The following COG7 variants were observed in gnomAD, a reference collection of about 807,000 sequenced individuals.
COG7 encodes conserved oligomeric Golgi complex subunit 7.
COG7 carries 49 observed loss-of-function variants against 91.5 expected under a neutral mutation model. That is an observed-to-expected ratio of 0.54 (90% CI 0.43 to 0.68). COG7 has a LOEUF of 0.68. COG7 is among the 30% of genes least tolerant of loss of function. The pLI is 0.00. For missense variants in COG7, 895 were observed against 961.3 expected, an observed-to-expected ratio of 0.93 and a Z score of 0.91; for synonymous variants, 365 against 388.7, an observed-to-expected ratio of 0.94 and a Z score of 0.72.
At chr16:23,392,804 G>A (rs559005848) in intron 15 of COG7, among the ~76,000 whole-genome samples, 14 of 152,188 alleles carry the variant, frequency 9.2e-5, no homozygotes, top group African/African-American at 2.9e-4. Flanking sequence ...GGTGGTGCGC[G>A]CCTGTAGTCC....
At chr16:23,428,913 G>A (rs1283756485) in intron 6 of COG7, among the ~76,000 whole-genome samples, 1 of 151,850 alleles carries the variant, frequency 6.6e-6, no homozygotes, top group African/African-American at 2.4e-5. Flanking sequence ...GGCTGCTCTC[G>A]AACTCCTGAC....
chr16:23,446,905 C>A (rs1484782416), intron 1 of COG7: 2 of 150,954 alleles, frequency 1.3e-5, no homozygotes, highest in Non-Finnish European at 2.9e-5. Context: ...GCACACACCA[C>A]CAGGACTGAA....
chr16:23,449,657 C>G (rs1028131237), intron 1 of COG7, among the ~76,000 whole-genome samples: 5 of 149,962 alleles, frequency 3.3e-5, no homozygotes, highest in African/African-American at 1.2e-4. Context: ...AGGAGAATTG[C>G]TTGAACCCGA....
chr16:23,426,092 T>C (rs1427272884), intron 6 of COG7, among the ~76,000 whole-genome samples: 1 of 152,190 alleles, frequency 6.6e-6, no homozygotes, highest in Non-Finnish European at 1.5e-5. Context: ...GGTGCACGAC[T>C]GTAATCCCAG....
chr16:23,414,818 G>A (rs1368164061), intron 9 of COG7: 1 of 152,084 alleles, frequency 6.6e-6, no homozygotes, highest in Non-Finnish European at 1.5e-5. Flanking sequence ...CTAGCACAGA[G>A]CTGGACATAA....
Position 23,398,108 on chromosome 16 carries a change from C to A in COG7, c.1825G>T (p.Gly609Ter). The A allele has an allele frequency of 6.2e-7, 1 of 1,614,088 alleles. No individual in the cohort carries two copies. Among genetic ancestry groups the A allele is most frequent in the Non-Finnish European group, 8.5e-7 (1 of 1,179,996 alleles). Residue 609 changes from glycine (G) to a stop codon, truncating the protein, a stop_gained, in exon 14 of 17, where the codon GGA becomes TGA. Coordinates refer to ENST00000307149, the MANE Select transcript of COG7 (RefSeq NM_153603.4). LOFTEE classifies it high-confidence loss of function. ...KMDSWNTAGI[G>*]ETLTDELPAF... The stretch of plus-strand genomic sequence containing the variant: ...GGCAGTTCATCTGTGAGGGTTTCTC[C>A]GATGCCAGCCGTATTCCAGCTCTAA...
chr16:23,434,498 C>T (rs145949515), intron 5 of COG7, 138 bp downstream of exon 5: 5 of 720,152 alleles, frequency 6.9e-6, no homozygotes, highest in African/African-American at 3.5e-5. Context: ...GCACCCCCTA[C>T]TGGCTAACTA....
At chr16:23,436,438 A>C (rs1428768499) in intron 4 of COG7, among the ~76,000 whole-genome samples, 1 of 152,150 alleles carries the variant, frequency 6.6e-6, no homozygotes, top group Non-Finnish European at 1.5e-5. Flanking sequence ...ATTCCCTTTA[A>C]AAACTGTTAG....
chr16:23,451,907 CT>C (rs532224753), intron 1 of COG7, among the ~76,000 whole-genome samples: 21 of 151,428 alleles, frequency 1.4e-4, no homozygotes, highest in African/African-American at 4.6e-4. Flanking sequence ...TCAAAATTCA[CT>C]TTTTTTTTCT....
intron 4 of COG7, 37 bp downstream of exon 4, chr16:23,442,440 G>C (rs1385222098): frequency 1.3e-6 from 2 of 1,595,838 alleles, no homozygotes; most frequent in African/African-American, 2.7e-5. Flanking sequence ...TCTTTATAGA[G>C]AGATATACAC....
At chr16:23,412,021 C>T (rs1261804584) in intron 10 of COG7, among the ~76,000 whole-genome samples, 4 of 152,042 alleles carry the variant, frequency 2.6e-5, no homozygotes, top group Admixed American at 6.6e-5. Context: ...GCTGGGATTA[C>T]AGGCACGTGC....
At chr16:23,442,849 A>G (rs1252136074) in intron 3 of COG7, among the ~76,000 whole-genome samples, 2 of 151,968 alleles carry the variant, frequency 1.3e-5, no homozygotes, top group Non-Finnish European at 2.9e-5. Context: ...CAGCCTGGTT[A>G]ACATGGCAAG....
In COG7 at chr16:23,442,569, G is replaced by A; in HGVS notation, c.512C>T (p.Ser171Leu). The A allele has an allele frequency of 6.2e-7, 1 of 1,614,106 alleles. No individual in the cohort carries two copies. Among genetic ancestry groups the A allele is most frequent in the Non-Finnish European group, 8.5e-7 (1 of 1,179,954 alleles). ...LMMLVDTPDY[S>L]EKCVHLEALK... The stretch of plus-strand genomic sequence containing the variant: ...TGCCTCCAAGTGCACACACTTTTCT[G>A]AGTAGTCTGGTGTATCAACAAGCAT... Residue 171 changes from serine to leucine, a missense_variant, in exon 4 of 17, where the codon TCA becomes TTA. Ser to Leu is a moderately radical substitution (Grantham distance 145). Coordinates refer to ENST00000307149, the MANE Select transcript of COG7 (RefSeq NM_153603.4).
intron 10 of COG7, chr16:23,413,086 G>C (rs113200936): frequency 1.6e-4 from 44 of 276,070 alleles, no homozygotes; most frequent in Middle Eastern, 1.3e-3. Flanking sequence ...AACAGGATCC[G>C]ATCACCTATG....
intron 6 of COG7, among the ~76,000 whole-genome samples, chr16:23,425,474 G>T (rs1179952292): frequency 6.6e-6 from 1 of 152,020 alleles, no homozygotes; most frequent in Non-Finnish European, 1.5e-5. Context: ...TGATACTACA[G>T]GAACACTACC....
chr16:23,416,190 T>A (rs1397497913), intron 9 of COG7: 1 of 152,144 alleles, frequency 6.6e-6, no homozygotes, highest in Admixed American at 6.6e-5. Flanking sequence ...CCATCATGCC[T>A]ACCTGATTTT....
chr16:23,409,075 GTGTGTGTGTGTGTGCGTGCA>G (rs916962207), intron 11 of COG7, among the ~76,000 whole-genome samples: 7 of 132,108 alleles, frequency 5.3e-5, no homozygotes, highest in Non-Finnish European at 9.5e-5. Flanking sequence ...GTGTGTGTGT[GTGTGTGTGTGTGTGCGTGCA>G]TGTGTGTGTG....
rs375358771 is a variant in COG7 at position 23,423,332 on chromosome 16, AC to A, written c.1009+1416del. ...CAGTGAGCCAAGATCACACCGCTGC[AC>A]TCCAGCCTGGGCGAGAGTGAGACTC... On this transcript the variant is annotated intron_variant, in intron 7 of 16. Coordinates refer to ENST00000307149, the MANE Select transcript of COG7 (RefSeq NM_153603.4). Among the ~76,000 whole-genome samples the A allele has an allele frequency of 4.9e-3, 744 of 152,304 alleles. 4 individuals carry two copies. Among genetic ancestry groups the A allele is most frequent in the Non-Finnish European group, 8.0e-3 (544 of 68,024 alleles).
Position 23,388,693 on chromosome 16 carries a change from G to A in COG7, c.*227C>T, listed in dbSNP as rs571087241. The A allele has an allele frequency of 2.8e-5, 14 of 495,064 alleles. No individual in the cohort carries two copies. In the East Asian group the frequency reaches 5.9e-4, roughly 21 times the overall value. The allele number at this position is 495,064 out of a possible 1,614,324, so 30.7% of individuals were successfully genotyped here. Reference sequence around the variant, plus strand: ...ATTTTTGTATTTTTAGTAGAGATGGGGTTTCACCATGTTGGTCAGGCTGGT... The same window carrying A: ...ATTTTTGTATTTTTAGTAGAGATGGAGTTTCACCATGTTGGTCAGGCTGGT... On this transcript the variant is annotated 3_prime_UTR_variant, in exon 17 of 17. Transcript: ENST00000307149.
Sources: gnomAD v4.1 joint callset for allele counts (sites outside exome capture counted in the v4.1 genomes callset) on GRCh38, gnomAD v4.1.1 for gene constraint, MANE v1.5 for transcripts, NCBI Gene and HGNC (gene_info 2026-07-23, HGNC 2026-07-21) for gene names.